The following IMMP2L variants were observed in gnomAD, a reference collection of about 807,000 sequenced individuals.
IMMP2L encodes the protein inner mitochondrial membrane peptidase subunit 2.
A neutral mutation model predicts 19.3 loss-of-function variants in IMMP2L; 18 were observed. The observed-to-expected ratio is 0.93, with a 90% confidence interval of 0.64 to 1.38. IMMP2L has a LOEUF of 1.38. IMMP2L is among the 40% of genes most tolerant of loss of function. The probability of loss-of-function intolerance (pLI) is 0.00; values close to 1 mark genes in which losing one functional copy is unlikely to be tolerated. For missense variants in IMMP2L, 233 were observed against 218.2 expected (o/e 1.07, Z -0.43); for synonymous variants, 76 against 73.0 (o/e 1.04, Z -0.21).
chr7:111,058,943 A>T (rs758302937), intron 3 of IMMP2L, among the ~76,000 whole-genome samples: 14 of 151,812 alleles, frequency 9.2e-5, no homozygotes, highest in Non-Finnish European at 1.8e-4. Context: ...TTCCTTCCTT[A>T]TGCCTCCTTT....
At chr7:110,998,974 C>T (rs1823337168) in intron 3 of IMMP2L, among the ~76,000 whole-genome samples, 1 of 152,148 alleles carries the variant, frequency 6.6e-6, no homozygotes, top group African/African-American at 2.4e-5. Context: ...CTGAAAACGT[C>T]TTCAGTCTGT....
At chr7:110,789,681 C>T (rs1189036668) in intron 5 of IMMP2L, among the ~76,000 whole-genome samples, 1 of 151,672 alleles carries the variant, frequency 6.6e-6, no homozygotes, top group African/African-American at 2.4e-5. Context: ...GCCTAGAAGG[C>T]CCTTCATCCT....
intron 3 of IMMP2L, among the ~76,000 whole-genome samples, chr7:111,159,296 A>T (rs183238923): frequency 6.6e-6 from 1 of 152,144 alleles, no homozygotes; most frequent in East Asian, 1.9e-4. Flanking sequence ...TTGTATTTTT[A>T]GTAGAGATGG....
At chr7:110,967,968 T>G (rs1312754392) in intron 3 of IMMP2L, among the ~76,000 whole-genome samples, 1 of 152,072 alleles carries the variant, frequency 6.6e-6, no homozygotes, top group Non-Finnish European at 1.5e-5. Flanking sequence ...CTTTGGAGTA[T>G]ATCTGGCTCT....
intron 1 of IMMP2L, among the ~76,000 whole-genome samples, chr7:111,535,253 G>A (rs1847777851): frequency 6.6e-6 from 1 of 151,392 alleles, no homozygotes; most frequent in Non-Finnish European, 1.5e-5. Flanking sequence ...CAGTAAGGTA[G>A]AGAAATGTTC....
Position 110,828,787 on chromosome 7 carries a change from T to C in IMMP2L, c.408+57806A>G, listed in dbSNP as rs568501841. 5.3e-5 allele frequency among the ~76,000 whole-genome samples: 8 copies of C among 152,220 alleles called. No homozygotes were observed. The South Asian group carries it at 1.7e-3, about 32-fold the overall frequency. ...GAAGATTTTGGTAAATGAGATATGG[T>C]TGAAAAACCTGGGCAAGAGTGGAGA... On this transcript the variant is annotated intron_variant, in intron 5 of 5. Transcript: ENST00000405709.
At chr7:111,558,236 C>G (rs923451849) in intron 1 of IMMP2L, among the ~76,000 whole-genome samples, 3 of 152,118 alleles carry the variant, frequency 2.0e-5, no homozygotes, top group Middle Eastern at 3.2e-3. Flanking sequence ...TTCACAACCC[C>G]TCTCCTTTGT....
At chr7:111,085,062 G>C (rs964151685) in intron 3 of IMMP2L, among the ~76,000 whole-genome samples, 1 of 152,156 alleles carries the variant, frequency 6.6e-6, no homozygotes, top group African/African-American at 2.4e-5. Flanking sequence ...GCCAAGATGA[G>C]AGACCTTTTT....
Position 111,408,942 on chromosome 7 carries a change from T to C in IMMP2L, c.239+78296A>G, listed in dbSNP as rs549963141. On this transcript the variant is annotated intron_variant, in intron 3 of 5. Transcript: ENST00000405709. The stretch of plus-strand genomic sequence containing the variant: ...CTTTGCAGACTAGCACTGAAAAACC[T>C]ACATCAGCACTTTCTGTCTAGATGA... Among the ~76,000 whole-genome samples the C allele has an allele frequency of 1.4e-4, 21 of 151,872 alleles. 1 individual carries two copies. In the South Asian group the frequency reaches 4.1e-3, roughly 30 times the overall value.
chr7:111,381,528 T>G (rs1308420218), intron 3 of IMMP2L, among the ~76,000 whole-genome samples: 1 of 152,030 alleles, frequency 6.6e-6, no homozygotes, highest in African/African-American at 2.4e-5. Context: ...ATATATGCCT[T>G]GTATAATACA....
At chr7:111,085,146 TTG>T (rs1226095203) in intron 3 of IMMP2L, among the ~76,000 whole-genome samples, 3 of 151,500 alleles carry the variant, frequency 2.0e-5, no homozygotes, top group African/African-American at 7.3e-5. Context: ...AGAAAAAAAT[TTG>T]TCTCATTGAT....
chr7:111,381,318 C>T (rs1475214909), intron 3 of IMMP2L, among the ~76,000 whole-genome samples: 13 of 152,018 alleles, frequency 8.6e-5, no homozygotes, highest in African/African-American at 2.9e-4. Context: ...ATGAGATTTT[C>T]ACTCTGCTAG....
intron 5 of IMMP2L, among the ~76,000 whole-genome samples, chr7:110,833,626 A>AGAAGAC (rs1804172333): frequency 6.6e-6 from 1 of 152,174 alleles, no homozygotes; most frequent in Admixed American, 6.6e-5. Flanking sequence ...GTTCAATATT[A>AGAAGAC]GAAGACGATT....
At chr7:111,555,398 A>G (rs1407264966) in intron 1 of IMMP2L, among the ~76,000 whole-genome samples, 1 of 152,014 alleles carries the variant, frequency 6.6e-6, no homozygotes, top group Non-Finnish European at 1.5e-5. Context: ...TTGGGGTCAG[A>G]TATGAATTTT....
intron 3 of IMMP2L, among the ~76,000 whole-genome samples, chr7:111,080,566 A>G (rs938781696): frequency 1.3e-5 from 2 of 152,022 alleles, no homozygotes; most frequent in Non-Finnish European, 2.9e-5. Context: ...AATATTTCAA[A>G]AAAGATTATA....
At chr7:111,441,022 A>G (rs1020837498) in intron 3 of IMMP2L, among the ~76,000 whole-genome samples, 1 of 151,914 alleles carries the variant, frequency 6.6e-6, no homozygotes, top group African/African-American at 2.4e-5. Flanking sequence ...CAACCTTCAT[A>G]GAATTGAAGG....
chr7:111,133,143 T>C (rs543535355), intron 3 of IMMP2L, among the ~76,000 whole-genome samples: 2 of 152,114 alleles, frequency 1.3e-5, no homozygotes, highest in East Asian at 3.9e-4. Flanking sequence ...GAAGATCTAC[T>C]GTGTACCAGA....
intron 3 of IMMP2L, among the ~76,000 whole-genome samples, chr7:111,394,460 C>A (rs1832681604): frequency 6.6e-6 from 1 of 151,986 alleles, no homozygotes; most frequent in African/African-American, 2.4e-5. Context: ...TATTCTATTT[C>A]TTTTCTGAGT....
At chr7:111,286,309 G>C (rs535527597) in intron 3 of IMMP2L, among the ~76,000 whole-genome samples, 8 of 152,064 alleles carry the variant, frequency 5.3e-5, no homozygotes, top group African/African-American at 1.9e-4. Flanking sequence ...TTTCTCCTAT[G>C]GTTGTTCATA....
Sources: gnomAD v4.1 joint callset for allele counts (sites outside exome capture counted in the v4.1 genomes callset) on GRCh38, gnomAD v4.1.1 for gene constraint, MANE v1.5 for transcripts, NCBI Gene and HGNC (gene_info 2026-07-23, HGNC 2026-07-21) for gene names.